ANKS1A: variants seen among roughly 807,000 people sequenced by gnomAD.
ANKS1A encodes the protein ankyrin repeat and SAM domain-containing protein 1A.
Under a neutral mutation model 120.3 loss-of-function variants are expected in ANKS1A, and 55 were observed. The observed-to-expected ratio is 0.46, with a 90% CI of 0.37 to 0.57. The LOEUF is 0.57. Among genes scored for constraint, ANKS1A ranks in the 20% least tolerant of loss-of-function variants. The probability of loss-of-function intolerance (pLI) is 0.00; values close to 1 mark genes in which losing one functional copy is unlikely to be tolerated. For synonymous variants in ANKS1A, 590 were observed against 604.7 expected, an observed-to-expected ratio of 0.98 and a Z score of 0.36; for missense variants, 1,123 against 1,480.3, an observed-to-expected ratio of 0.76 and a Z score of 3.96.
intron 1 of ANKS1A, among the ~76,000 whole-genome samples, chr6:34,902,927 A>T (rs902845696): frequency 7.2e-5 from 11 of 152,074 alleles, no homozygotes; most frequent in South Asian, 6.2e-4. Context: ...TAAAATTTAT[A>T]GTTCATTTAC....
intron 1 of ANKS1A, among the ~76,000 whole-genome samples, chr6:34,905,776 G>T (rs1322637131): frequency 6.6e-6 from 1 of 152,152 alleles, no homozygotes; most frequent in East Asian, 1.9e-4. Flanking sequence ...TCAGTTTGAT[G>T]TGTAACTACC....
chr6:35,084,923 A>T lies in ANKS1A; in HGVS notation c.3132+665A>T, dbSNP rs2127614400. 6.6e-6 allele frequency among the ~76,000 whole-genome samples: 1 copy of T among 152,290 alleles called. No individual in the cohort carries two copies. Among genetic ancestry groups the T allele is most frequent in the Admixed American group, 6.5e-5 (1 of 15,298 alleles). ...CCTCTAACCTGCAACAAAGCATGAG[A>T]GTGGCCCCAGGCTGCTTCCTCACCC... On this transcript the variant is annotated intron_variant, in intron 21 of 23. Transcript: ENST00000360359. The surrounding 1 kb of genome is among the most constrained non-coding windows in gnomAD (Gnocchi z 4.8).
chr6:35,055,962 C>T (rs551286274), intron 12 of ANKS1A, among the ~76,000 whole-genome samples: 5 of 152,252 alleles, frequency 3.3e-5, no homozygotes, highest in African/African-American at 1.2e-4. Context: ...CAAGTGTTTG[C>T]GGGAAATGGA....
chr6:34,943,356 A>G (rs1057119794), intron 1 of ANKS1A, among the ~76,000 whole-genome samples: 8 of 152,124 alleles, frequency 5.3e-5, no homozygotes, highest in African/African-American at 1.7e-4. Context: ...ATTATTATTA[A>G]CACCTTGCCT....
At chr6:34,940,744 A>T (rs890822650) in intron 1 of ANKS1A, among the ~76,000 whole-genome samples, 1 of 151,870 alleles carries the variant, frequency 6.6e-6, no homozygotes, top group Non-Finnish European at 1.5e-5. Context: ...CCCCGTCTCT[A>T]CTAAAATACA....
chr6:35,002,156 C>T (rs1773204058), intron 10 of ANKS1A, among the ~76,000 whole-genome samples: 1 of 152,202 alleles, frequency 6.6e-6, no homozygotes, highest in African/African-American at 2.4e-5. Context: ...CTAAACGCCA[C>T]CACCTCACTC....
At chr6:35,008,696 A>G (rs1773589305) in intron 10 of ANKS1A, among the ~76,000 whole-genome samples, 2 of 151,672 alleles carry the variant, frequency 1.3e-5, no homozygotes, top group Non-Finnish European at 2.9e-5. Context: ...ATTTATATAC[A>G]TGTATATTAT....
At chr6:35,022,239 A>G (rs1260445125) in intron 11 of ANKS1A, among the ~76,000 whole-genome samples, 2 of 152,192 alleles carry the variant, frequency 1.3e-5, no homozygotes, top group Non-Finnish European at 2.9e-5. Context: ...TTGGAGAGAA[A>G]TCTACAGCCT....
intron 1 of ANKS1A, among the ~76,000 whole-genome samples, chr6:34,890,093 A>T (rs1486055247): frequency 6.9e-6 from 1 of 144,878 alleles, no homozygotes; most frequent in Non-Finnish European, 1.5e-5. Flanking sequence ...ACCTCGCTTT[A>T]TTTTTTTTTT....
intron 10 of ANKS1A, among the ~76,000 whole-genome samples, chr6:35,002,541 GTTATT>G (rs1773227867): frequency 6.6e-6 from 1 of 152,102 alleles, no homozygotes; most frequent in Non-Finnish European, 1.5e-5. Flanking sequence ...TTATTTTATA[GTTATT>G]ATAAGTGTAC....
intron 12 of ANKS1A, among the ~76,000 whole-genome samples, chr6:35,056,335 C>A (rs1776219400): frequency 6.6e-6 from 1 of 152,246 alleles, no homozygotes; most frequent in Admixed American, 6.5e-5. Flanking sequence ...TTCGCCCAGG[C>A]TGGAGTGCAG....
chr6:35,007,613 A>G (rs541333786), intron 10 of ANKS1A, among the ~76,000 whole-genome samples: 5 of 152,292 alleles, frequency 3.3e-5, no homozygotes, highest in Non-Finnish European at 5.9e-5. Flanking sequence ...AATGTAGCCA[A>G]GAGCTCTAAA....
chr6:35,095,355 G>A (rs990034959), downstream of ANKS1A, among the ~76,000 whole-genome samples: 99 of 151,492 alleles, frequency 6.5e-4, no homozygotes, highest in African/African-American at 2.2e-3. Flanking sequence ...GGTGGATCAC[G>A]TGAGGCCAAG....
chr6:34,996,753 G>A (rs1171602529), intron 10 of ANKS1A, among the ~76,000 whole-genome samples: 1 of 152,144 alleles, frequency 6.6e-6, no homozygotes, highest in Non-Finnish European at 1.5e-5. Context: ...TAACAGGCGT[G>A]AGCCACCATG....
At chr6:35,004,383 G>A (rs148714350) in intron 10 of ANKS1A, among the ~76,000 whole-genome samples, 1,599 of 152,244 alleles carry the variant, frequency 0.011, 34 homozygotes, top group African/African-American at 0.036. Context: ...AGCACTTTGG[G>A]AGGCCAAGGC....
At chr6:35,009,591 G>A (rs1406959844) in intron 10 of ANKS1A, among the ~76,000 whole-genome samples, 1 of 152,062 alleles carries the variant, frequency 6.6e-6, no homozygotes. Context: ...CATCCAAGTT[G>A]AGGTGATTCT....
In ANKS1A at chr6:35,085,672, T is replaced by TA; in HGVS notation, c.3133-93dup. On this transcript the variant is annotated intron_variant, in intron 21 of 23. Coordinates refer to ENST00000360359, the MANE Select transcript of ANKS1A (RefSeq NM_015245.3). This position sits in a 1 kb window ranked among gnomAD's most constrained non-coding sequence, Gnocchi z 4.7. ...AGGTAGGAGCGCTCCCGGGTAGACT[T>TA]AGAGGGGGACACATGGTCCCTGCGA... The TA allele has an allele frequency of 7.4e-7, 1 of 1,349,808 alleles. No homozygotes were observed. The highest frequency in any genetic ancestry group is 1.0e-6 in the Non-Finnish European group (1 of 1,004,602). 83.6% of individuals were successfully genotyped at this position (1,349,808 alleles called of 1,614,324 possible). A position where few individuals can be genotyped will look rare whatever the true frequency, so the allele number is the denominator to read the frequency against.
At chr6:34,960,097 C>G (rs1374572080) in intron 1 of ANKS1A, among the ~76,000 whole-genome samples, 1 of 152,168 alleles carries the variant, frequency 6.6e-6, no homozygotes, top group African/African-American at 2.4e-5. Flanking sequence ...TCTCCAGCCA[C>G]AGGTCAGGCA....
chr6:34,983,135 T>C lies in ANKS1A; in HGVS notation c.831T>C (p.Asp277=). ...TAGGAACTGACGTCAACATAAAAGATAACCATGGACTGACTGCCCTAGACA... is the reference window on the plus strand; with the variant it reads ...TAGGAACTGACGTCAACATAAAAGACAACCATGGACTGACTGCCCTAGACA... The part of the protein sequence containing the change: ...LAAGTDVNIK[D]NHGLTALDTV... The change falls in exon 6 of 24, where the codon GAT becomes GAC. Residue 277 remains aspartate (D), a synonymous_variant. Transcript: ENST00000360359. The C allele has an allele frequency of 1.9e-6, 3 of 1,614,118 alleles. No homozygotes were observed. Among genetic ancestry groups the C allele is most frequent in the Non-Finnish European group, 2.5e-6 (3 of 1,180,002 alleles).
Sources: allele counts gnomAD v4.1 joint callset (sites outside exome capture counted in the v4.1 genomes callset), GRCh38; gene constraint gnomAD v4.1.1; non-coding constraint Gnocchi (gnomAD v3.1); transcripts MANE v1.5; gene names NCBI Gene and HGNC (gene_info 2026-07-23, HGNC 2026-07-21).